ADGRL3: variants seen among roughly 807,000 people sequenced by gnomAD.
ADGRL3 encodes adhesion G protein-coupled receptor L3, also known as calcium-independent alpha-latrotoxin receptor 3.
In ADGRL3, 62 loss-of-function variants were observed where a neutral mutation model predicts 153.5. The ratio of observed to expected loss-of-function variants is 0.40; its 90% CI spans 0.33 to 0.50. The LOEUF (loss-of-function observed/expected upper bound fraction) is 0.50, where lower values mean the gene tolerates loss of function less well. Among genes scored for constraint, ADGRL3 ranks in the 20% least tolerant of loss-of-function variants. The pLI is 0.47. For missense variants in ADGRL3, 1,641 were observed against 1,859.4 expected (o/e 0.88, Z 2.16); for synonymous variants, 710 against 672.5 (o/e 1.06, Z -0.86).
At chr4:61,382,498 A>T (rs913369090) in intron 1 of ADGRL3, among the ~76,000 whole-genome samples, 8 of 151,808 alleles carry the variant, frequency 5.3e-5, no homozygotes, top group Non-Finnish European at 1.0e-4. Flanking sequence ...TAATAAAATT[A>T]AAAAATTATG....
At chr4:61,849,597 C>A (rs527695835) in intron 9 of ADGRL3, among the ~76,000 whole-genome samples, 1 of 152,154 alleles carries the variant, frequency 6.6e-6, no homozygotes, top group African/African-American at 2.4e-5. Flanking sequence ...TTCTCTGCAG[C>A]ATTTTTGGGA....
chr4:62,003,342 C>T (rs1338638125), intron 21 of ADGRL3, among the ~76,000 whole-genome samples: 1 of 151,998 alleles, frequency 6.6e-6, no homozygotes, highest in Non-Finnish European at 1.5e-5. Context: ...AAAGATACAC[C>T]TTTTACTTTT....
chr4:61,756,078 G>T (rs1456641322), intron 8 of ADGRL3, among the ~76,000 whole-genome samples: 1 of 152,182 alleles, frequency 6.6e-6, no homozygotes, highest in Non-Finnish European at 1.5e-5. Context: ...TGTTCTTTTG[G>T]CTTAGGATTG....
chr4:61,895,771 G>C lies in ADGRL3; in HGVS notation c.1824G>C (p.Trp608Cys). Reference sequence around the variant, plus strand: ...TATGCCTTGCTCCTGATGGAATTTGGGATCCCCAAGGTCCAGATCTCAGCA... The same window carrying C: ...TATGCCTTGCTCCTGATGGAATTTGCGATCCCCAAGGTCCAGATCTCAGCA... ...TYLCLAPDGI[W>C]DPQGPDLSNC... The change falls in exon 11 of 27, where the codon TGG becomes TGC. Residue 608 changes from tryptophan (W) to cysteine (C), a missense_variant. By Grantham distance (215) the Trp-to-Cys change is radical. Coordinates refer to ENST00000683033, the MANE Select transcript of ADGRL3 (RefSeq NM_001387552.1). 1 of 1,600,168 alleles carries C rather than the reference G, an allele frequency of 6.2e-7. No homozygotes were observed. The highest frequency in any genetic ancestry group is 8.5e-7 in the Non-Finnish European group (1 of 1,172,562).
chr4:61,247,872 A>G (rs1346968213), intron 1 of ADGRL3, among the ~76,000 whole-genome samples: 1 of 152,118 alleles, frequency 6.6e-6, no homozygotes, highest in East Asian at 1.9e-4. Flanking sequence ...ACGATACTTT[A>G]TAGTAACCAA....
chr4:62,026,281 G>A (rs1338361934), intron 21 of ADGRL3, among the ~76,000 whole-genome samples: 2 of 152,044 alleles, frequency 1.3e-5, no homozygotes, highest in Admixed American at 6.6e-5. Context: ...TGATGCCTAA[G>A]GCTCTGCATC....
intron 4 of ADGRL3, among the ~76,000 whole-genome samples, chr4:61,577,150 T>TAG (rs1553967635): frequency 6.8e-6 from 1 of 147,172 alleles, no homozygotes; most frequent in African/African-American, 2.5e-5. Context: ...CAGTGAATAA[T>TAG]TGTGTGTGTG....
At chr4:61,646,785 T>G (rs1417316374) in intron 5 of ADGRL3, among the ~76,000 whole-genome samples, 1 of 152,202 alleles carries the variant, frequency 6.6e-6, no homozygotes, top group Non-Finnish European at 1.5e-5. Context: ...CAGGCCTCCT[T>G]GAGCTGTGGT....
At chr4:61,340,725 G>T (rs919265032) in intron 1 of ADGRL3, among the ~76,000 whole-genome samples, 4 of 151,766 alleles carry the variant, frequency 2.6e-5, no homozygotes, top group African/African-American at 9.7e-5. Context: ...TAATTTACTA[G>T]TATTTAGCAA....
chr4:61,417,158 G>A (rs191940054), intron 2 of ADGRL3, among the ~76,000 whole-genome samples: 68 of 152,230 alleles, frequency 4.5e-4, no homozygotes, highest in African/African-American at 1.5e-3. Flanking sequence ...CAGGCCATGG[G>A]CCAGTACGTG....
At chr4:61,688,271 A>G (rs2095481263) in intron 6 of ADGRL3, among the ~76,000 whole-genome samples, 1 of 152,134 alleles carries the variant, frequency 6.6e-6, no homozygotes, top group African/African-American at 2.4e-5. Flanking sequence ...ATTATAATTT[A>G]CATCTTTTTT....
rs758137316 is a variant in ADGRL3 at position 61,676,945 on chromosome 4, T to C, written c.583+10T>C. The C allele has an allele frequency of 2.6e-6, 4 of 1,518,752 alleles. No individual in the cohort carries two copies. Among genetic ancestry groups the C allele is most frequent in the Non-Finnish European group, 3.6e-6 (4 of 1,096,094 alleles). 94.1% of individuals were successfully genotyped at this position (1,518,752 alleles called of 1,614,324 possible). ...GAATGTGTCCCTTACAGTATGTATA[T>C]TCCTATACTTTTCTTGGCAAGAGAA... On this transcript the variant is annotated intron_variant, in intron 6 of 26. Coordinates refer to ENST00000683033, the MANE Select transcript of ADGRL3 (RefSeq NM_001387552.1).
At chr4:61,550,495 A>G (rs974074516) in intron 4 of ADGRL3, among the ~76,000 whole-genome samples, 1 of 152,056 alleles carries the variant, frequency 6.6e-6, no homozygotes, top group African/African-American at 2.4e-5. Context: ...ATATACCCCA[A>G]TTGGACATGA....
intron 3 of ADGRL3, among the ~76,000 whole-genome samples, chr4:61,508,314 CTT>C (rs2098443128): frequency 6.6e-6 from 1 of 152,124 alleles, no homozygotes; most frequent in African/African-American, 2.4e-5. Context: ...AAAAAGCAAT[CTT>C]AAAAAGTTGG....
At chr4:61,259,678 G>A (rs1382837222) in intron 1 of ADGRL3, among the ~76,000 whole-genome samples, 1 of 152,118 alleles carries the variant, frequency 6.6e-6, no homozygotes, top group East Asian at 1.9e-4. Flanking sequence ...CACCAATGAG[G>A]TGTGAGAAAG....
chr4:61,670,602 G>A (rs1377390668), intron 5 of ADGRL3, among the ~76,000 whole-genome samples: 2 of 152,094 alleles, frequency 1.3e-5, no homozygotes, highest in Non-Finnish European at 2.9e-5. Flanking sequence ...ACACCAGAGA[G>A]TGAGTAAGGC....
chr4:61,897,885 A>G lies in ADGRL3; in HGVS notation c.1887+2051A>G, dbSNP rs114063474. ...GCAAACTGCAAGGGATTGAGCAGAA[A>G]CCCAGAGCTTGTAGCAGGGAAGGAG... is the stretch of plus-strand genomic sequence containing the variant. On this transcript the variant is annotated intron_variant, in intron 11 of 26. Transcript: ENST00000683033. 6.8e-3 allele frequency among the ~76,000 whole-genome samples: 1,034 copies of G among 152,184 alleles called. 17 individuals are homozygous for G. Among genetic ancestry groups the G allele is most frequent in the African/African-American group, 0.024 (983 of 41,522 alleles).
At chr4:61,650,452 T>C (rs1252294829) in intron 5 of ADGRL3, among the ~76,000 whole-genome samples, 2 of 152,180 alleles carry the variant, frequency 1.3e-5, no homozygotes, top group East Asian at 1.9e-4. Flanking sequence ...CCTGTGCTCT[T>C]ATCTTGGCTG....
chr4:61,704,936 T>C (rs1403048922), intron 6 of ADGRL3, among the ~76,000 whole-genome samples: 2 of 152,214 alleles, frequency 1.3e-5, no homozygotes, highest in Admixed American at 6.6e-5. Flanking sequence ...TTAATTCTAG[T>C]TCTCTTTCTA....
Sources: allele counts gnomAD v4.1 joint callset (sites outside exome capture counted in the v4.1 genomes callset), GRCh38; gene constraint gnomAD v4.1.1; transcripts MANE v1.5; gene names NCBI Gene and HGNC (gene_info 2026-07-23, HGNC 2026-07-21).